Variants in KIF26B observed in about 807,000 individuals in gnomAD.
KIF26B encodes the protein kinesin family member 26B, also known as kinesin-like protein KIF26B.
Under a neutral mutation model 151.2 loss-of-function variants are expected in KIF26B, and 63 were observed. The ratio of observed to expected loss-of-function variants is 0.42; its 90% confidence interval spans 0.34 to 0.51. KIF26B has a LOEUF of 0.51. KIF26B is among the 20% of genes least tolerant of loss of function. The probability of loss-of-function intolerance (pLI) is 0.07; values close to 1 mark genes in which losing one functional copy is unlikely to be tolerated. For missense variants in KIF26B, 2,813 were observed against 2,913.6 expected (o/e 0.97, Z 0.79); for synonymous variants, 1,357 against 1,262.1 (o/e 1.08, Z -1.59).
At chr1:245,464,918 C>T (rs1659745064) in intron 4 of KIF26B, among the ~76,000 whole-genome samples, 2 of 151,972 alleles carry the variant, frequency 1.3e-5, no homozygotes, top group Admixed American at 1.3e-4. Context: ...GCACAGGAGC[C>T]ACGTGGACAC....
chr1:245,156,499 C>G lies in KIF26B; in HGVS notation c.281C>G (p.Thr94Ser). The change falls in exon 2 of 15, where the codon ACT becomes AGT. Residue 94 changes from threonine (T) to serine (S), a missense_variant. Physicochemically the swap from Thr to Ser is moderately conservative, Grantham distance 58 (BLOSUM62 1). Around this residue, in one of 3 missense-constraint regions of KIF26B, gnomAD observed 676 missense variants for 688.1 expected, o/e 0.98. Transcript: ENST00000407071. Reference protein sequence around the residue: ...SPGPASPGIGTSSPGSLGGSP... With the variant: ...SPGPASPGIGSSSPGSLGGSP... Reference sequence around the variant, plus strand: ...GGACCCGCCTCCCCCGGCATCGGCACTAGTTCGCCGGGCTCCTTGGGCGGC... The same window carrying G: ...GGACCCGCCTCCCCCGGCATCGGCAGTAGTTCGCCGGGCTCCTTGGGCGGC... 6.5e-7 allele frequency: 1 copy of G among 1,528,716 alleles called. No individual in the cohort carries two copies. Among genetic ancestry groups the G allele is most frequent in the Non-Finnish European group, 8.8e-7 (1 of 1,141,438 alleles). 94.7% of individuals were successfully genotyped at this position (1,528,716 alleles called of 1,614,324 possible).
intron 2 of KIF26B, among the ~76,000 whole-genome samples, chr1:245,277,789 G>A (rs926444235): frequency 2.6e-5 from 4 of 152,152 alleles, no homozygotes; most frequent in African/African-American, 4.8e-5. Context: ...TGGGAAGTGG[G>A]AAGGGGGCTT....
intron 4 of KIF26B, among the ~76,000 whole-genome samples, chr1:245,531,114 T>C (rs1473718570): frequency 6.6e-6 from 1 of 152,208 alleles, no homozygotes; most frequent in Admixed American, 6.5e-5. Context: ...ATTTTCCCCC[T>C]ATAATATGGA....
Position 245,688,584 on chromosome 1 carries a change from C to A in KIF26B, c.5601C>A (p.His1867Gln). 1 of 1,571,572 alleles carries A rather than the reference C, an allele frequency of 6.4e-7. No homozygotes were observed. Among genetic ancestry groups the A allele is most frequent in the Middle Eastern group, 1.7e-4 (1 of 5,996 alleles). ...PRRPHRCSSG[H>Q]GSDNSSVLSG... is the part of the protein sequence containing the mutation. The stretch of plus-strand genomic sequence containing the variant: ...GGCCCCACCGCTGCAGCAGCGGCCA[C>A]GGCAGCGACAACAGCAGCGTGCTGA... Residue 1867 changes from histidine (H) to glutamine (Q), a missense_variant, in exon 12 of 15, where the codon CAC becomes CAA. Transcript: ENST00000407071.
At chr1:245,410,346 T>C (rs1184754104) in intron 3 of KIF26B, among the ~76,000 whole-genome samples, 1 of 152,196 alleles carries the variant, frequency 6.6e-6, no homozygotes, top group African/African-American at 2.4e-5. Flanking sequence ...GCCTCACCGT[T>C]GATGGTCCTT....
intron 4 of KIF26B, among the ~76,000 whole-genome samples, chr1:245,435,396 T>C (rs1205061703): frequency 1.3e-5 from 2 of 152,036 alleles, no homozygotes; most frequent in Non-Finnish European, 2.9e-5. Context: ...TGTCTTCAGG[T>C]TGTTTAAAAA....
At position 245,560,882 on chromosome 1, in the gene KIF26B, G is replaced by A. The variant is rs922873697; in HGVS notation, c.1350+19932G>A. 1.3e-5 allele frequency among the ~76,000 whole-genome samples: 2 copies of A among 152,168 alleles called. No individual in the cohort carries two copies. Among genetic ancestry groups the A allele is most frequent in the Non-Finnish European group, 2.9e-5 (2 of 68,042 alleles). ...GAGAGAAAAGATTCTGGATTTGGGC[G>A]GTCTCACCTCCAAAATTGCAGCCCC... On this transcript the variant is annotated intron_variant, in intron 5 of 14. Coordinates refer to ENST00000407071, the MANE Select transcript of KIF26B (RefSeq NM_018012.4). The surrounding 1 kb of genome is among the most constrained non-coding windows in gnomAD (Gnocchi z 4.3).
intron 2 of KIF26B, among the ~76,000 whole-genome samples, chr1:245,302,058 C>G (rs1294866363): frequency 6.6e-6 from 1 of 152,186 alleles, no homozygotes; most frequent in African/African-American, 2.4e-5. Flanking sequence ...TAAACTCTAC[C>G]ACTTGATTGT....
At chr1:245,621,165 A>G (rs1016685386) in intron 9 of KIF26B, among the ~76,000 whole-genome samples, 1 of 152,212 alleles carries the variant, frequency 6.6e-6, no homozygotes, top group African/African-American at 2.4e-5. Context: ...GAAAGATTCC[A>G]GGGTGATTCC....
intron 2 of KIF26B, among the ~76,000 whole-genome samples, chr1:245,207,754 T>A (rs1261407359): frequency 1.3e-5 from 2 of 152,140 alleles, no homozygotes; most frequent in East Asian, 3.9e-4. Flanking sequence ...CACCACCCAC[T>A]TCCCACAGCT....
At chr1:245,525,928 C>CAAA in intron 4 of KIF26B, among the ~76,000 whole-genome samples, 1 of 151,128 alleles carries the variant, frequency 6.6e-6, no homozygotes, top group African/African-American at 2.4e-5. Context: ...CAGATTCTGC[C>CAAA]AAAAAAAATG....
intron 5 of KIF26B, among the ~76,000 whole-genome samples, chr1:245,599,337 C>G (rs141796456): frequency 0.01 from 1,571 of 152,316 alleles, 108 homozygotes; most frequent in Admixed American, 0.092. Flanking sequence ...GCCTTTCCCC[C>G]AGCTCGGAGC....
chr1:245,270,752 G>A (rs976411294), intron 2 of KIF26B, among the ~76,000 whole-genome samples: 1 of 152,074 alleles, frequency 6.6e-6, no homozygotes, highest in East Asian at 1.9e-4. Flanking sequence ...GCTTTCCTTT[G>A]CTATTCAGAA....
chr1:245,626,505 C>T (rs1308482564), intron 9 of KIF26B, among the ~76,000 whole-genome samples: 1 of 151,670 alleles, frequency 6.6e-6, no homozygotes, highest in East Asian at 1.9e-4. Flanking sequence ...GGACATTGAA[C>T]ATTTTTTCAC....
At chr1:245,272,426 A>G (rs903358860) in intron 2 of KIF26B, among the ~76,000 whole-genome samples, 14 of 152,052 alleles carry the variant, frequency 9.2e-5, no homozygotes, top group African/African-American at 3.4e-4. Context: ...CAAACAAAAA[A>G]CAGATCATTA....
intron 3 of KIF26B, among the ~76,000 whole-genome samples, chr1:245,413,023 T>A (rs1400307462): frequency 2.6e-5 from 4 of 152,094 alleles, no homozygotes; most frequent in African/African-American, 7.2e-5. Context: ...GTAACAGATA[T>A]CCTTAAGGAG....
intron 5 of KIF26B, among the ~76,000 whole-genome samples, chr1:245,588,743 C>G (rs1316179085): frequency 6.6e-6 from 1 of 152,196 alleles, no homozygotes; most frequent in Non-Finnish European, 1.5e-5. Flanking sequence ...TCTGGGTCTC[C>G]TTCCTGCCCC....
intron 3 of KIF26B, among the ~76,000 whole-genome samples, chr1:245,368,945 G>C (rs1673028374): frequency 6.6e-6 from 1 of 151,956 alleles, no homozygotes; most frequent in Admixed American, 6.6e-5. Context: ...GACCAGCCTG[G>C]GCATCCTGGC....
At chr1:245,198,720 C>G (rs1669235190) in intron 2 of KIF26B, among the ~76,000 whole-genome samples, 2 of 147,378 alleles carry the variant, frequency 1.4e-5, no homozygotes, top group Admixed American at 1.3e-4. Flanking sequence ...GAGAGAGACT[C>G]CGTCTCAAAA....
Sources: allele counts gnomAD v4.1 joint callset (sites outside exome capture counted in the v4.1 genomes callset), GRCh38; gene constraint gnomAD v4.1.1; regional missense constraint gnomAD v4.1.1; non-coding constraint Gnocchi (gnomAD v3.1); transcripts MANE v1.5; gene names NCBI Gene and HGNC (gene_info 2026-07-23, HGNC 2026-07-21).